Variants in ZFHX4 observed in about 807,000 individuals in gnomAD.
ZFHX4 encodes zinc finger homeobox protein 4.
ZFHX4 carries 56 observed loss-of-function variants against 267.6 expected under a neutral mutation model. The ratio of observed to expected loss-of-function variants is 0.21; its 90% CI spans 0.17 to 0.26. ZFHX4 has a LOEUF of 0.26. Ranked by LOEUF, ZFHX4 falls within the 10% of genes least tolerant of loss-of-function variation. The probability of loss-of-function intolerance (pLI) is 1.00; values close to 1 mark genes in which losing one functional copy is unlikely to be tolerated. For synonymous variants in ZFHX4, 1,778 were observed against 1,665.6 expected (o/e 1.07, Z -1.64); for missense variants, 4,332 against 4,420.0 (o/e 0.98, Z 0.56).
chr8:76,785,226 T>G (rs1446653177), intron 4 of ZFHX4, among the ~76,000 whole-genome samples: 2 of 152,140 alleles, frequency 1.3e-5, no homozygotes, highest in Non-Finnish European at 2.9e-5. Flanking sequence ...CAAATGAGTT[T>G]TATTCATATG....
At chr8:76,743,428 G>A (rs150845250) in intron 3 of ZFHX4, among the ~76,000 whole-genome samples, 60 of 152,242 alleles carry the variant, frequency 3.9e-4, no homozygotes, top group African/African-American at 1.1e-3. Flanking sequence ...ATGAACATGC[G>A]TGCCACCCAT....
intron 3 of ZFHX4, among the ~76,000 whole-genome samples, chr8:76,721,465 T>C (rs1808719893): frequency 6.6e-6 from 1 of 152,164 alleles, no homozygotes; most frequent in Non-Finnish European, 1.5e-5. Flanking sequence ...AGGGAAAAAC[T>C]GGAGAGCTTC....
At chr8:76,863,064 C>G (rs1812912624) in intron 10 of ZFHX4, 30 bp from the exon 11 acceptor site, 1 of 1,483,546 alleles carries the variant, frequency 6.7e-7, no homozygotes, top group East Asian at 2.5e-5. Flanking sequence ...TGTACATTGA[C>G]AGTGGCCATC....
intron 3 of ZFHX4, among the ~76,000 whole-genome samples, chr8:76,760,698 C>A (rs1809887738): frequency 6.6e-6 from 1 of 151,866 alleles, no homozygotes; most frequent in Non-Finnish European, 1.5e-5. Flanking sequence ...GAGGCCAGGG[C>A]CAGAGGATCA....
intron 3 of ZFHX4, among the ~76,000 whole-genome samples, chr8:76,748,073 A>T (rs1809509793): frequency 6.6e-6 from 1 of 152,232 alleles, no homozygotes; most frequent in Non-Finnish European, 1.5e-5. Context: ...AAATGCTTTT[A>T]TAATCTTAAC....
chr8:76,713,028 A>G (rs1038508336), intron 3 of ZFHX4, among the ~76,000 whole-genome samples: 1 of 152,210 alleles, frequency 6.6e-6, no homozygotes, highest in Non-Finnish European at 1.5e-5. Context: ...GCAACTAATA[A>G]ATCCCTGGTG....
chr8:76,699,060 G>A (rs1044199677), intron 1 of ZFHX4, among the ~76,000 whole-genome samples: 1 of 152,134 alleles, frequency 6.6e-6, no homozygotes, highest in African/African-American at 2.4e-5. Flanking sequence ...GGTTCACTCC[G>A]AATCAGCTGT....
In ZFHX4 at chr8:76,852,442, A is replaced by G; in HGVS notation, c.5521A>G (p.Ile1841Val). ...ATTATTGAAACAAGAGCAAAGTAAC[A>G]TAGTGAGTGCAGACTGCCAAATCAT... ...SKLLKQEQSNIVSADCQIMKD... is the reference protein window; with the variant it reads ...SKLLKQEQSNVVSADCQIMKD... Residue 1841 changes from isoleucine to valine, a missense_variant, in exon 10 of 11, where the codon ATA (isoleucine) becomes GTA (valine). Physicochemically the swap from Ile to Val is conservative, Grantham distance 29. Coordinates refer to ENST00000651372, the MANE Select transcript of ZFHX4 (RefSeq NM_024721.5). 2 of 1,563,628 alleles carry G rather than the reference A, an allele frequency of 1.3e-6. No homozygotes were observed. The highest frequency in any genetic ancestry group is 1.2e-5 in the South Asian group (1 of 84,904).
Position 76,853,991 on chromosome 8 carries a change from A to C in ZFHX4, c.7070A>C (p.Asp2357Ala). The change falls in exon 10 of 11, where the codon GAT (aspartate) becomes GCT (alanine). Residue 2357 changes from aspartate (D) to alanine (A), a missense_variant. By Grantham distance (126) the Asp-to-Ala change is moderately radical. Transcript: ENST00000651372. ...SQTEDSMDAT[D>A]QVVYKHCTVS... ...ACAGAAGACTCCATGGATGCCACTG[A>C]TCAAGTGGTATACAAGCATTGCACA... is the stretch of plus-strand genomic sequence containing the variant. 6.2e-7 allele frequency: 1 copy of C among 1,613,872 alleles called. No individual in the cohort carries two copies. The highest frequency in any genetic ancestry group is 1.1e-5 in the South Asian group (1 of 91,072).
chr8:76,790,662 G>C (rs927031936), intron 4 of ZFHX4, among the ~76,000 whole-genome samples: 2 of 152,058 alleles, frequency 1.3e-5, no homozygotes, highest in Admixed American at 6.6e-5. Context: ...TCTGTGAAAG[G>C]AATAAATCTC....
chr8:76,831,656 A>G (rs539446203), intron 4 of ZFHX4, among the ~76,000 whole-genome samples: 2 of 152,322 alleles, frequency 1.3e-5, no homozygotes, highest in Admixed American at 6.5e-5. Context: ...TCGGGGAAAC[A>G]TTACTTGGAC....
intron 4 of ZFHX4, among the ~76,000 whole-genome samples, chr8:76,798,775 C>A (rs1811046849): frequency 6.6e-6 from 1 of 152,150 alleles, no homozygotes; most frequent in Non-Finnish European, 1.5e-5. Context: ...TACTTCCCAT[C>A]TAAGAGCCTT....
chr8:76,813,107 GTTTC>G (rs1030933141), intron 4 of ZFHX4, among the ~76,000 whole-genome samples: 1 of 151,890 alleles, frequency 6.6e-6, no homozygotes, highest in African/African-American at 2.4e-5. Flanking sequence ...CTAAAAATTT[GTTTC>G]TTTATAATCT....
intron 3 of ZFHX4, among the ~76,000 whole-genome samples, chr8:76,713,486 A>G (rs1471354824): frequency 6.6e-6 from 1 of 151,988 alleles, no homozygotes; most frequent in Admixed American, 6.6e-5. Context: ...GAACCCACCT[A>G]CTCTATTTTC....
intron 3 of ZFHX4, among the ~76,000 whole-genome samples, chr8:76,720,622 T>C (rs1019340594): frequency 6.6e-6 from 1 of 152,098 alleles, no homozygotes; most frequent in Admixed American, 6.6e-5. Context: ...TTGTTCCTTC[T>C]CCCCTGTCCT....
At chr8:76,713,170 A>C (rs561837907) in intron 3 of ZFHX4, among the ~76,000 whole-genome samples, 2 of 152,296 alleles carry the variant, frequency 1.3e-5, no homozygotes, top group East Asian at 3.9e-4. Flanking sequence ...TTCTCACTGC[A>C]TTCACATGTC....
Position 76,851,971 on chromosome 8 carries a change from G to T in ZFHX4, c.5050G>T (p.Ala1684Ser), listed in dbSNP as rs28432935. Residue 1684 changes from alanine (A) to serine (S), a missense_variant, in exon 10 of 11, where the codon GCA becomes TCA. Physicochemically the swap from Ala to Ser is moderately conservative, Grantham distance 99. Around this residue, in one of 7 missense-constraint regions of ZFHX4, gnomAD observed 1,371 missense variants for 1,423.1 expected, o/e 0.96. Transcript: ENST00000651372. ...TCCTGATTTAATCTCTGCTCAACCTGCACATCACCCACCACAGTCACCAGC... is the reference window on the plus strand; with the variant it reads ...TCCTGATTTAATCTCTGCTCAACCTTCACATCACCCACCACAGTCACCAGC... ...QTPDLISAQP[A>S]HHPPQSPAQI... The T allele has an allele frequency of 6.2e-7, 1 of 1,613,802 alleles. No individual in the cohort carries two copies.
Position 76,707,554 on chromosome 8 carries a change from G to A in ZFHX4, c.2599G>A (p.Glu867Lys). ...ATTTTTTTTTCCTGTAGTAAATAATGAGCTGCCGCCTGAAATCCGGCTTGC... is the reference window on the plus strand; with the variant it reads ...ATTTTTTTTTCCTGTAGTAAATAATAAGCTGCCGCCTGAAATCCGGCTTGC... ...AALAPGLVNN[E>K]LPPEIRLASG... is the part of the protein sequence containing the mutation. The change falls in exon 3 of 11, where the codon GAG (glutamate) becomes AAG (lysine). Residue 867 changes from glutamate to lysine, a missense_variant. By Grantham distance (56) the Glu-to-Lys change is moderately conservative. Transcript: ENST00000651372. 6.4e-7 allele frequency: 1 copy of A among 1,572,856 alleles called. No homozygotes were observed. Among genetic ancestry groups the A allele is most frequent in the Non-Finnish European group, 8.6e-7 (1 of 1,157,330 alleles).
At position 76,863,269 on chromosome 8, in the gene ZFHX4, G is replaced by T; in HGVS notation, c.9555G>T (p.Gln3185His). ...SSLSGQQTEQ[Q>H]NKESEKKQTK... ...TGTCAGGACAGCAGACCGAGCAACA[G>T]AACAAAGAATCTGAGAAAAAGCAAA... The change falls in exon 11 of 11, where the codon CAG becomes CAT. Residue 3185 changes from glutamine to histidine, a missense_variant. This residue lies in a region of ZFHX4 where 1,648 missense variants were observed against 1,625.0 expected (regional missense o/e 1.01). Coordinates refer to ENST00000651372, the MANE Select transcript of ZFHX4 (RefSeq NM_024721.5). 8 of 1,610,336 alleles carry T rather than the reference G, an allele frequency of 5.0e-6. No individual in the cohort carries two copies. Among genetic ancestry groups the T allele is most frequent in the Non-Finnish European group, 6.8e-6 (8 of 1,178,126 alleles).
Sources: gnomAD v4.1 joint callset for allele counts (sites outside exome capture counted in the v4.1 genomes callset) on GRCh38, gnomAD v4.1.1 for gene constraint, gnomAD v4.1.1 regional missense constraint, MANE v1.5 for transcripts, NCBI Gene and HGNC (gene_info 2026-07-23, HGNC 2026-07-21) for gene names.